Variants in H4C6 observed in about 807,000 individuals in gnomAD.
The protein encoded by H4C6 is H4 clustered histone 6.
A neutral mutation model predicts 5.7 loss-of-function variants in H4C6; 8 were observed. The ratio of observed to expected loss-of-function variants is 1.41; its 90% CI spans 0.82 to 2.54. The LOEUF (loss-of-function observed/expected upper bound fraction) is 2.54, where lower values mean the gene tolerates loss of function less well. Ranked by LOEUF, H4C6 falls within the 30% of genes most tolerant of loss-of-function variation. H4C6 has a pLI of 0.00. For synonymous variants in H4C6, 124 were observed against 57.0 expected (o/e 2.18, Z -5.30); for missense variants, 230 against 145.9 (o/e 1.58, Z -2.97).
Position 26,240,681 on chromosome 6 carries a change from G to T in H4C6, c.256G>T (p.Asp86Tyr), listed in dbSNP as rs1264492420. Residue 86 changes from aspartate to tyrosine, a missense_variant, in exon 1 of 1, where the codon GAT becomes TAT. Coordinates refer to ENST00000244537, the MANE Select transcript of H4C6 (RefSeq NM_003540.4). Reference protein sequence around the residue: ...HAKRKTVTAMDVVYALKRQGR... With the variant: ...HAKRKTVTAMYVVYALKRQGR... ...CAAGCGTAAGACAGTCACTGCAATG[G>T]ATGTTGTCTACGCGCTCAAGCGCCA... 1 of 1,610,730 alleles carries T rather than the reference G, an allele frequency of 6.2e-7. No homozygotes were observed. Among genetic ancestry groups the T allele is most frequent in the Admixed American group, 1.7e-5 (1 of 59,906 alleles).
Position 26,240,569 on chromosome 6 carries a change from G to C in H4C6, c.144G>C (p.Ser48=), listed in dbSNP as rs572582669. Residue 48 remains serine (S), a synonymous_variant, in exon 1 of 1, where the codon TCG becomes TCC. Transcript: ENST00000244537. ...GACGCGGCGGCGTGAAACGCATTTC[G>C]GGCCTCATTTATGAGGAGACCCGCG... ...LARRGGVKRI[S]GLIYEETRGV... is the part of the protein sequence containing the mutation. 9.3e-6 allele frequency: 15 copies of C among 1,614,206 alleles called. No individual in the cohort carries two copies. The South Asian group carries it at 1.6e-4, about 18-fold the overall frequency.
Position 26,240,702 on chromosome 6 carries a change from C to A in H4C6, c.277C>A (p.Arg93Ser). 6.2e-7 allele frequency: 1 copy of A among 1,603,186 alleles called. No homozygotes were observed. The highest frequency in any genetic ancestry group is 1.1e-5 in the South Asian group (1 of 89,144). Reference sequence around the variant, plus strand: ...AATGGATGTTGTCTACGCGCTCAAGCGCCAGGGACGCACTCTGTACGGCTT... The same window carrying A: ...AATGGATGTTGTCTACGCGCTCAAGAGCCAGGGACGCACTCTGTACGGCTT... Reference protein sequence around the residue: ...TAMDVVYALKRQGRTLYGFGG With the variant: ...TAMDVVYALKSQGRTLYGFGG Residue 93 changes from arginine to serine, a missense_variant, in exon 1 of 1, where the codon CGC (arginine) becomes AGC (serine). By Grantham distance (110) the Arg-to-Ser change is moderately radical. Transcript: ENST00000244537.
chr6:26,240,484 G>A lies in H4C6; in HGVS notation c.59G>A (p.Arg20His), dbSNP rs756326943. ...GGAAAGGGAGGCGCCAAGCGCCATC[G>A]CAAAGTGCTGCGTGACAACATACAG... ...GLGKGGAKRH[R>H]KVLRDNIQGI... The change falls in exon 1 of 1, where the codon CGC becomes CAC. Residue 20 changes from arginine to histidine, a missense_variant. Coordinates refer to ENST00000244537, the MANE Select transcript of H4C6 (RefSeq NM_003540.4). 15 of 1,602,850 alleles carry A rather than the reference G, an allele frequency of 9.4e-6. No homozygotes were observed. Among genetic ancestry groups the A allele is most frequent in the Non-Finnish European group, 1.2e-5 (14 of 1,171,382 alleles).
chr6:26,240,786 T>C lies in H4C6; in HGVS notation c.*49T>C, dbSNP rs1011823580. On this transcript the variant is annotated 3_prime_UTR_variant, in exon 1 of 1. Coordinates refer to ENST00000244537, the MANE Select transcript of H4C6 (RefSeq NM_003540.4). ...ACAGCTCACCCATAAAAGGCCCTTT[T>C]CAGGGCCACCTCCTTCGTCACACGA... 1 of 1,467,926 alleles carries C rather than the reference T, an allele frequency of 6.8e-7. No individual in the cohort carries two copies. Among genetic ancestry groups the C allele is most frequent in the Non-Finnish European group, 9.2e-7 (1 of 1,089,298 alleles). The allele number at this position is 1,467,926 out of a possible 1,614,324, so 90.9% of individuals were successfully genotyped here.
In H4C6 at chr6:26,240,672, A is replaced by C. The variant is rs1027986118; in HGVS notation, c.247A>C (p.Thr83Pro). The change falls in exon 1 of 1, where the codon ACT (threonine) becomes CCT (proline). Residue 83 changes from threonine (T) to proline (P), a missense_variant. Transcript: ENST00000244537. The part of the protein sequence containing the change: ...YTEHAKRKTV[T>P]AMDVVYALKR... ...GGAGCACGCCAAGCGTAAGACAGTC[A>C]CTGCAATGGATGTTGTCTACGCGCT... 1.9e-6 allele frequency: 3 copies of C among 1,612,080 alleles called. No individual in the cohort carries two copies. Among genetic ancestry groups the C allele is most frequent in the Non-Finnish European group, 2.5e-6 (3 of 1,178,656 alleles).
Position 26,240,429 on chromosome 6 carries a change from T to A in H4C6, c.4T>A (p.Ser2Thr). 6.4e-7 allele frequency: 1 copy of A among 1,558,448 alleles called. No individual in the cohort carries two copies. Among genetic ancestry groups the A allele is most frequent in the Non-Finnish European group, 8.7e-7 (1 of 1,148,506 alleles). ...GAGTTGTTGTTTGTCTTCGATCATG[T>A]CTGGTAGAGGCAAAGGTGGTAAAGG... M[S>T]GRGKGGKGLG... The change falls in exon 1 of 1, where the codon TCT (serine) becomes ACT (threonine). Residue 2 changes from serine to threonine, a missense_variant. Transcript: ENST00000244537.
rs1759871394 is a variant in H4C6 at position 26,240,618 on chromosome 6, A to G, written c.193A>G (p.Asn65Asp). 1 of 1,614,228 alleles carries G rather than the reference A, an allele frequency of 6.2e-7. No homozygotes were observed. The highest frequency in any genetic ancestry group is 2.2e-5 in the East Asian group (1 of 44,880). Reference sequence around the variant, plus strand: ...CGGTGTTCTTAAGGTGTTCCTGGAGAATGTGATACGGGACGCCGTAACCTA... The same window carrying G: ...CGGTGTTCTTAAGGTGTTCCTGGAGGATGTGATACGGGACGCCGTAACCTA... ...TRGVLKVFLENVIRDAVTYTE... is the reference protein window; with the variant it reads ...TRGVLKVFLEDVIRDAVTYTE... Residue 65 changes from asparagine (N) to aspartate (D), a missense_variant, in exon 1 of 1, where the codon AAT becomes GAT. By Grantham distance (23) the Asn-to-Asp change is conservative. Coordinates refer to ENST00000244537, the MANE Select transcript of H4C6 (RefSeq NM_003540.4).
In H4C6 at chr6:26,240,594, G is replaced by A; in HGVS notation, c.169G>A (p.Gly57Ser). The A allele has an allele frequency of 1.2e-6, 2 of 1,614,246 alleles. No homozygotes were observed. Among genetic ancestry groups the A allele is most frequent in the South Asian group, 1.1e-5 (1 of 91,088 alleles). Residue 57 changes from glycine (G) to serine (S), a missense_variant, in exon 1 of 1, where the codon GGT becomes AGT. Physicochemically the swap from Gly to Ser is moderately conservative, Grantham distance 56. Coordinates refer to ENST00000244537, the MANE Select transcript of H4C6 (RefSeq NM_003540.4). ...GGGCCTCATTTATGAGGAGACCCGC[G>A]GTGTTCTTAAGGTGTTCCTGGAGAA... ...ISGLIYEETR[G>S]VLKVFLENVI...
chr6:26,240,447 G>A lies in H4C6; in HGVS notation c.22G>A (p.Gly8Ser), dbSNP rs1437522098. 2 of 1,580,060 alleles carry A rather than the reference G, an allele frequency of 1.3e-6. No homozygotes were observed. Among genetic ancestry groups the A allele is most frequent in the African/African-American group, 1.3e-5 (1 of 74,234 alleles). The change falls in exon 1 of 1, where the codon GGT (glycine) becomes AGT (serine). Residue 8 changes from glycine to serine, a missense_variant. Transcript: ENST00000244537. ...GATCATGTCTGGTAGAGGCAAAGGTGGTAAAGGTTTAGGAAAGGGAGGCGC... is the reference window on the plus strand; with the variant it reads ...GATCATGTCTGGTAGAGGCAAAGGTAGTAAAGGTTTAGGAAAGGGAGGCGC... MSGRGKG[G>S]KGLGKGGAKR...
Position 26,240,785 on chromosome 6 carries a change from T to C in H4C6, c.*48T>C, listed in dbSNP as rs1285141761. ...AACAGCTCACCCATAAAAGGCCCTT[T>C]TCAGGGCCACCTCCTTCGTCACACG... On this transcript the variant is annotated 3_prime_UTR_variant, in exon 1 of 1. Coordinates refer to ENST00000244537, the MANE Select transcript of H4C6 (RefSeq NM_003540.4). The C allele has an allele frequency of 1.4e-6, 2 of 1,471,110 alleles. No homozygotes were observed. The highest frequency in any genetic ancestry group is 2.2e-5 in the Admixed American group (1 of 45,130). 91.1% of individuals were successfully genotyped at this position (1,471,110 alleles called of 1,614,324 possible). A position where few individuals can be genotyped will look rare whatever the true frequency, so the allele number is the denominator to read the frequency against.
chr6:26,240,521 G>C lies in H4C6; in HGVS notation c.96G>C (p.Lys32Asn), dbSNP rs117670320. 1.9e-6 allele frequency: 3 copies of C among 1,614,034 alleles called. No homozygotes were observed. Among genetic ancestry groups the C allele is most frequent in the Non-Finnish European group, 2.5e-6 (3 of 1,179,854 alleles). ...GTGACAACATACAGGGCATCACGAA[G>C]CCCGCCATCCGTCGCTTGGCCCGAC... ...VLRDNIQGIT[K>N]PAIRRLARRG... is the part of the protein sequence containing the mutation. Residue 32 changes from lysine to asparagine, a missense_variant, in exon 1 of 1, where the codon AAG (lysine) becomes AAC (asparagine). By Grantham distance (94) the Lys-to-Asn change is moderately conservative (BLOSUM62 0). Transcript: ENST00000244537.
At position 26,240,436 on chromosome 6, in the gene H4C6, G is replaced by C. The variant is rs370419237; in HGVS notation, c.11G>C (p.Arg4Thr). The stretch of plus-strand genomic sequence containing the variant: ...TGTTTGTCTTCGATCATGTCTGGTA[G>C]AGGCAAAGGTGGTAAAGGTTTAGGA... MSG[R>T]GKGGKGLGKG... The change falls in exon 1 of 1, where the codon AGA becomes ACA. Residue 4 changes from arginine (R) to threonine (T), a missense_variant. Arg to Thr is a moderately conservative substitution (Grantham distance 71). Transcript: ENST00000244537. 4.5e-6 allele frequency: 7 copies of C among 1,563,528 alleles called. No individual in the cohort carries two copies. Among genetic ancestry groups the C allele is most frequent in the East Asian group, 2.3e-5 (1 of 44,206 alleles).
Position 26,240,589 on chromosome 6 carries a change from C to T in H4C6, c.164C>T (p.Thr55Ile), listed in dbSNP as rs1046492095. The T allele has an allele frequency of 3.1e-6, 5 of 1,614,088 alleles. No homozygotes were observed. In the South Asian group the frequency reaches 3.3e-5, roughly 11 times the overall value. Residue 55 changes from threonine to isoleucine, a missense_variant, in exon 1 of 1, where the codon ACC (threonine) becomes ATC (isoleucine). Transcript: ENST00000244537. ...KRISGLIYEETRGVLKVFLEN... is the reference protein window; with the variant it reads ...KRISGLIYEEIRGVLKVFLEN... ...ATTTCGGGCCTCATTTATGAGGAGA[C>T]CCGCGGTGTTCTTAAGGTGTTCCTG...
Position 26,240,717 on chromosome 6 carries a change from CTG to C in H4C6, c.294_295del (p.Tyr99ArgfsTer18), listed in dbSNP as rs765618588. The part of the protein sequence containing the change: ...VYALKRQGRT[L>X]YGFGG ...CGCGCTCAAGCGCCAGGGACGCACTCTGTACGGCTTTGGTGGCTGAGCCTCAC... is the reference window on the plus strand; with the variant it reads ...CGCGCTCAAGCGCCAGGGACGCACTCTACGGCTTTGGTGGCTGAGCCTCAC... On this transcript the variant is annotated frameshift_variant, in exon 1 of 1. Coordinates refer to ENST00000244537, the MANE Select transcript of H4C6 (RefSeq NM_003540.4). LOFTEE classifies it high-confidence loss of function. The C allele has an allele frequency of 2.2e-5, 35 of 1,596,112 alleles. No homozygotes were observed. The highest frequency in any genetic ancestry group is 8.5e-5 in the Admixed American group (5 of 59,058).
chr6:26,240,542 C>T lies in H4C6; in HGVS notation c.117C>T (p.Ala39=), dbSNP rs1759868921. Reference sequence around the variant, plus strand: ...CGAAGCCCGCCATCCGTCGCTTGGCCCGACGCGGCGGCGTGAAACGCATTT... The same window carrying T: ...CGAAGCCCGCCATCCGTCGCTTGGCTCGACGCGGCGGCGTGAAACGCATTT... The part of the protein sequence containing the change: ...GITKPAIRRL[A]RRGGVKRISG... Residue 39 remains alanine (A), a synonymous_variant, in exon 1 of 1, where the codon GCC becomes GCT. Transcript: ENST00000244537. 1.2e-6 allele frequency: 2 copies of T among 1,614,096 alleles called. No individual in the cohort carries two copies. Among genetic ancestry groups the T allele is most frequent in the Non-Finnish European group, 1.7e-6 (2 of 1,179,926 alleles).
In H4C6 at chr6:26,240,613, TG is replaced by T; in HGVS notation, c.190del (p.Glu64ArgfsTer3). 1 of 1,614,224 alleles carries T rather than the reference TG, an allele frequency of 6.2e-7. No homozygotes were observed. Among genetic ancestry groups the T allele is most frequent in the Admixed American group, 1.7e-5 (1 of 60,032 alleles). On this transcript the variant is annotated frameshift_variant, in exon 1 of 1. Coordinates refer to ENST00000244537, the MANE Select transcript of H4C6 (RefSeq NM_003540.4). LOFTEE classifies it high-confidence loss of function. ...ACCCGCGGTGTTCTTAAGGTGTTCC[TG>T]GAGAATGTGATACGGGACGCCGTAA... ...EETRGVLKVF[L>X]ENVIRDAVTY... is the part of the protein sequence containing the mutation.
chr6:26,240,615 G>C lies in H4C6; in HGVS notation c.190G>C (p.Glu64Gln), dbSNP rs747622981. The change falls in exon 1 of 1, where the codon GAG (glutamate) becomes CAG (glutamine). Residue 64 changes from glutamate (E) to glutamine (Q), a missense_variant. Glu to Gln is a conservative substitution (Grantham distance 29). Coordinates refer to ENST00000244537, the MANE Select transcript of H4C6 (RefSeq NM_003540.4). ...ETRGVLKVFLENVIRDAVTYT... is the reference protein window; with the variant it reads ...ETRGVLKVFLQNVIRDAVTYT... ...CCGCGGTGTTCTTAAGGTGTTCCTG[G>C]AGAATGTGATACGGGACGCCGTAAC... 6.2e-7 allele frequency: 1 copy of C among 1,613,822 alleles called. No individual in the cohort carries two copies. The highest frequency in any genetic ancestry group is 8.5e-7 in the Non-Finnish European group (1 of 1,179,910).
chr6:26,240,589 C>G lies in H4C6; in HGVS notation c.164C>G (p.Thr55Ser), dbSNP rs1046492095. ...ATTTCGGGCCTCATTTATGAGGAGACCCGCGGTGTTCTTAAGGTGTTCCTG... is the reference window on the plus strand; with the variant it reads ...ATTTCGGGCCTCATTTATGAGGAGAGCCGCGGTGTTCTTAAGGTGTTCCTG... ...KRISGLIYEETRGVLKVFLEN... is the reference protein window; with the variant it reads ...KRISGLIYEESRGVLKVFLEN... Residue 55 changes from threonine to serine, a missense_variant, in exon 1 of 1, where the codon ACC (threonine) becomes AGC (serine). By Grantham distance (58) the Thr-to-Ser change is moderately conservative. Transcript: ENST00000244537. 5.6e-6 allele frequency: 9 copies of G among 1,614,206 alleles called. No individual in the cohort carries two copies. The East Asian group carries it at 2.0e-4, about 36-fold the overall frequency.
Position 26,240,530 on chromosome 6 carries a change from C to T in H4C6, c.105C>T (p.Ile35=). 6.2e-7 allele frequency: 1 copy of T among 1,614,100 alleles called. No homozygotes were observed. The highest frequency in any genetic ancestry group is 8.5e-7 in the Non-Finnish European group (1 of 1,179,902). ...DNIQGITKPA[I]RRLARRGGVK... Reference sequence around the variant, plus strand: ...TACAGGGCATCACGAAGCCCGCCATCCGTCGCTTGGCCCGACGCGGCGGCG... The same window carrying T: ...TACAGGGCATCACGAAGCCCGCCATTCGTCGCTTGGCCCGACGCGGCGGCG... Residue 35 remains isoleucine (I), a synonymous_variant, in exon 1 of 1, where the codon ATC becomes ATT. Transcript: ENST00000244537.
Sources: allele counts gnomAD v4.1 joint callset, GRCh38; gene constraint gnomAD v4.1.1; transcripts MANE v1.5; gene names NCBI Gene and HGNC (gene_info 2026-07-23, HGNC 2026-07-21).